The following CA10 variants were observed in gnomAD, a reference collection of about 807,000 sequenced individuals.
The protein encoded by CA10 is carbonic anhydrase-related protein 10.
CA10 carries 14 observed loss-of-function variants against 44.2 expected under a neutral mutation model. The observed-to-expected ratio is 0.32, with a 90% CI of 0.21 to 0.50. CA10 has a LOEUF of 0.50. CA10 is among the 20% of genes least tolerant of loss of function. The pLI, the probability that CA10 is intolerant of heterozygous loss-of-function variation, is 0.99. For synonymous variants in CA10, 159 were observed against 141.6 expected, an observed-to-expected ratio of 1.12 and a Z score of -0.87; for missense variants, 350 against 409.7, an observed-to-expected ratio of 0.85 and a Z score of 1.26.
chr17:51,901,663 G>C (rs1370738123), intron 3 of CA10, among the ~76,000 whole-genome samples: 3 of 152,102 alleles, frequency 2.0e-5, no homozygotes, highest in African/African-American at 7.2e-5. Flanking sequence ...CTGGAGCTGA[G>C]ATTGCGCCAC....
intron 2 of CA10, 134 bp from the exon 3 acceptor site, chr17:51,931,266 G>GT: frequency 5.1e-6 from 4 of 783,428 alleles, no homozygotes; most frequent in Non-Finnish European, 6.1e-6. Flanking sequence ...AGATCCTTGG[G>GT]GGTTGCTATG....
chr17:52,145,144 G>T (rs1989557523), intron 1 of CA10, among the ~76,000 whole-genome samples: 1 of 152,012 alleles, frequency 6.6e-6, no homozygotes, highest in Non-Finnish European at 1.5e-5. Context: ...ATGTTATTTG[G>T]GTTATTTTTC....
intron 2 of CA10, among the ~76,000 whole-genome samples, chr17:52,015,046 T>C (rs145995364): frequency 1.3e-5 from 2 of 152,164 alleles, no homozygotes; most frequent in African/African-American, 2.4e-5. Flanking sequence ...AGGACACATA[T>C]AGTATGTGCA....
chr17:52,062,077 T>TC (rs957025003), intron 2 of CA10, among the ~76,000 whole-genome samples: 1 of 148,236 alleles, frequency 6.7e-6, no homozygotes, highest in African/African-American at 2.5e-5. Flanking sequence ...TTTTTTTTTT[T>TC]TTTTTTTTGA....
At chr17:52,000,163 G>A (rs1295406931) in intron 2 of CA10, among the ~76,000 whole-genome samples, 2 of 152,024 alleles carry the variant, frequency 1.3e-5, no homozygotes, top group African/African-American at 4.8e-5. Context: ...AATCACTATT[G>A]GGAATTATAT....
intron 2 of CA10, among the ~76,000 whole-genome samples, chr17:51,931,499 C>A (rs1982658134): frequency 6.6e-6 from 1 of 152,154 alleles, no homozygotes; most frequent in African/African-American, 2.4e-5. Context: ...TGATGCTGTG[C>A]TTTTCCTATC....
At chr17:51,804,231 T>C (rs1454176904) in intron 3 of CA10, among the ~76,000 whole-genome samples, 1 of 152,158 alleles carries the variant, frequency 6.6e-6, no homozygotes, top group Admixed American at 6.5e-5. Flanking sequence ...TATAAATTAA[T>C]CTGGAGGAAA....
intron 4 of CA10, among the ~76,000 whole-genome samples, chr17:51,710,660 G>A (rs1271086908): frequency 6.6e-6 from 1 of 152,210 alleles, no homozygotes; most frequent in African/African-American, 2.4e-5. Flanking sequence ...TGGGTGGTAA[G>A]GGTCCCTGCA....
intron 2 of CA10, among the ~76,000 whole-genome samples, chr17:52,011,228 TTTA>T (rs1275315604): frequency 1.5e-5 from 2 of 133,138 alleles, no homozygotes; most frequent in African/African-American, 2.5e-5. Flanking sequence ...ATCATAATCA[TTTA>T]TTATTATGAG....
chr17:51,992,469 A>G (rs1985076644), intron 2 of CA10, among the ~76,000 whole-genome samples: 1 of 152,088 alleles, frequency 6.6e-6, no homozygotes. Flanking sequence ...GATATATAGG[A>G]AGTACACAAA....
At chr17:51,673,694 G>T (rs1914510093) in intron 4 of CA10, among the ~76,000 whole-genome samples, 1 of 152,130 alleles carries the variant, frequency 6.6e-6, no homozygotes, top group African/African-American at 2.4e-5. Flanking sequence ...CCAACCTTAT[G>T]TCTCTCGAAG....
chr17:52,011,930 A>C (rs914940698), intron 2 of CA10, among the ~76,000 whole-genome samples: 3 of 152,030 alleles, frequency 2.0e-5, no homozygotes, highest in Non-Finnish European at 2.9e-5. Flanking sequence ...TTGTGTTTTA[A>C]TGCAATCCAC....
intron 1 of CA10, among the ~76,000 whole-genome samples, chr17:52,089,756 ACT>A (rs1001211100): frequency 2.0e-5 from 3 of 152,004 alleles, no homozygotes; most frequent in African/African-American, 7.2e-5. Flanking sequence ...ATATTTTAAA[ACT>A]CTCAAAACTA....
intron 2 of CA10, among the ~76,000 whole-genome samples, chr17:51,950,635 T>C (rs1051908485): frequency 6.6e-6 from 1 of 152,136 alleles, no homozygotes; most frequent in African/African-American, 2.4e-5. Flanking sequence ...AGTTCCCTAT[T>C]ATTAGAAGGC....
chr17:52,080,555 A>AG, intron 1 of CA10, among the ~76,000 whole-genome samples: 1 of 152,124 alleles, frequency 6.6e-6, no homozygotes, highest in Admixed American at 6.5e-5. Context: ...AATCATCAGG[A>AG]GGAAAGTCCC....
intron 3 of CA10, among the ~76,000 whole-genome samples, chr17:51,770,988 G>A (rs1374764685): frequency 6.6e-6 from 1 of 151,852 alleles, no homozygotes; most frequent in Admixed American, 6.6e-5. Context: ...GCCTGGCGTG[G>A]TGGTGCATGT....
intron 2 of CA10, among the ~76,000 whole-genome samples, chr17:51,978,984 A>G (rs1984557902): frequency 6.6e-6 from 1 of 152,112 alleles, no homozygotes; most frequent in South Asian, 2.1e-4. Flanking sequence ...CCCTCAGTAA[A>G]GCCACTTGCC....
intron 3 of CA10, chr17:51,748,428 C>T (rs2143608317): frequency 1.0e-6 from 1 of 965,226 alleles, no homozygotes; most frequent in Non-Finnish European, 1.2e-6. Flanking sequence ...TAGACTTACT[C>T]CTTATTCCTG....
chr17:51,969,668 AG>A (rs1323448656), intron 2 of CA10, among the ~76,000 whole-genome samples: 1 of 151,956 alleles, frequency 6.6e-6, no homozygotes, highest in Non-Finnish European at 1.5e-5. Flanking sequence ...ATTTCCACAC[AG>A]ATGGATATTT....
Sources: gnomAD v4.1 joint callset for allele counts (sites outside exome capture counted in the v4.1 genomes callset) on GRCh38, gnomAD v4.1.1 for gene constraint, MANE v1.5 for transcripts, NCBI Gene and HGNC (gene_info 2026-07-23, HGNC 2026-07-21) for gene names.